Variants in PI4KA observed in about 807,000 individuals in gnomAD.
PI4KA encodes phosphatidylinositol 4-kinase alpha.
Under a neutral mutation model 271.4 loss-of-function variants are expected in PI4KA, and 122 were observed. The ratio of observed to expected loss-of-function variants is 0.45; its 90% confidence interval spans 0.39 to 0.52. The LOEUF is 0.52. Ranked by LOEUF, PI4KA falls within the 20% of genes least tolerant of loss-of-function variation. PI4KA has a pLI of 0.00. For missense variants in PI4KA, 1,969 were observed against 2,769.1 expected, an observed-to-expected ratio of 0.71 and a Z score of 6.48; for synonymous variants, 1,041 against 1,078.8, an observed-to-expected ratio of 0.96 and a Z score of 0.69.
At chr22:20,796,461 CA>C (rs1934993946) in intron 17 of PI4KA, 147 bp from the exon 18 acceptor site, 1 of 659,942 alleles carries the variant, frequency 1.5e-6, no homozygotes, top group African/African-American at 1.8e-5. Context: ...AAAGAACTCT[CA>C]AGTGGAGAAG....
chr22:20,829,473 TTTATTA>T (rs200710375), intron 3 of PI4KA, among the ~76,000 whole-genome samples: 1 of 152,114 alleles, frequency 6.6e-6, no homozygotes, highest in Non-Finnish European at 1.5e-5. Context: ...GTTGGGTTTT[TTTATTA>T]TTATTATTTC....
intron 1 of PI4KA, among the ~76,000 whole-genome samples, chr22:20,858,190 G>A (rs559600878): frequency 9.2e-5 from 14 of 152,294 alleles, no homozygotes; most frequent in African/African-American, 3.4e-4. Flanking sequence ...GAAATCGGAA[G>A]CAGAACCCCA....
intron 3 of PI4KA, 27 bp from the exon 4 acceptor site, chr22:20,824,441 A>G: frequency 6.5e-7 from 1 of 1,530,584 alleles, no homozygotes. Context: ...CATAAATCAG[A>G]TAACCAGGAA....
At chr22:20,792,792 G>T (rs1338467691) in intron 19 of PI4KA, among the ~76,000 whole-genome samples, 2 of 152,160 alleles carry the variant, frequency 1.3e-5, no homozygotes, top group African/African-American at 4.8e-5. Context: ...CCTGAGCGCC[G>T]ACAAGAGGCT....
intron 2 of PI4KA, among the ~76,000 whole-genome samples, chr22:20,836,517 A>G (rs1210586358): frequency 1.3e-5 from 2 of 152,186 alleles, no homozygotes; most frequent in African/African-American, 2.4e-5. Context: ...GCTCTTTCCT[A>G]TATAAACTGT....
At chr22:20,793,273 C>T (rs377261017) in intron 18 of PI4KA, 30 bp from the exon 19 acceptor site, 17 of 1,336,662 alleles carry the variant, frequency 1.3e-5, no homozygotes, top group African/African-American at 4.4e-5. Context: ...TTGTCATTAA[C>T]GAGTATGTGT....
intron 23 of PI4KA, among the ~76,000 whole-genome samples, chr22:20,758,013 C>T (rs1034359239): frequency 1.3e-5 from 2 of 152,088 alleles, no homozygotes; most frequent in African/African-American, 4.8e-5. Context: ...ATCTGCAGTC[C>T]ACACACAGCC....
intron 22 of PI4KA, 134 bp downstream of exon 22, chr22:20,764,683 T>C: frequency 1.1e-6 from 1 of 925,146 alleles, no homozygotes; most frequent in East Asian, 2.8e-5. Flanking sequence ...GTAGAGGGTG[T>C]TTTTGCTTGG....
intron 1 of PI4KA, among the ~76,000 whole-genome samples, chr22:20,856,754 T>G (rs1927648462): frequency 6.6e-6 from 1 of 152,202 alleles, no homozygotes; most frequent in African/African-American, 2.4e-5. Context: ...TCTTGACAAC[T>G]GAAGCAGTTA....
intron 7 of PI4KA, among the ~76,000 whole-genome samples, chr22:20,814,238 T>C (rs1921440988): frequency 6.6e-6 from 1 of 152,160 alleles, no homozygotes; most frequent in Admixed American, 6.6e-5. Flanking sequence ...GAAATACACC[T>C]GTCACTAAAA....
At chr22:20,851,879 C>A (rs187237105) in intron 1 of PI4KA, among the ~76,000 whole-genome samples, 2 of 152,214 alleles carry the variant, frequency 1.3e-5, no homozygotes, top group African/African-American at 4.8e-5. Context: ...TCCAGCATGC[C>A]AACATATACA....
At chr22:20,839,658 C>T (rs905193438) in intron 1 of PI4KA, among the ~76,000 whole-genome samples, 1 of 152,112 alleles carries the variant, frequency 6.6e-6, no homozygotes, top group African/African-American at 2.4e-5. Context: ...GGTGAAACCC[C>T]GTCTCTACTA....
intron 32 of PI4KA, among the ~76,000 whole-genome samples, chr22:20,739,484 A>C (rs948748929): frequency 1.3e-5 from 2 of 151,108 alleles, no homozygotes; most frequent in Non-Finnish European, 2.9e-5. Context: ...AAAAAAAAAC[A>C]AAAGAAAAAA....
At chr22:20,818,285 C>CTA (rs1040907292) in intron 7 of PI4KA, among the ~76,000 whole-genome samples, 198 bp downstream of exon 7, 1 of 152,054 alleles carries the variant, frequency 6.6e-6, no homozygotes, top group Non-Finnish European at 1.5e-5. Flanking sequence ...GTACTTTTCT[C>CTA]TATATATAAA....
At chr22:20,723,812 C>T (rs1268449445) in intron 42 of PI4KA, among the ~76,000 whole-genome samples, 1 of 151,766 alleles carries the variant, frequency 6.6e-6, no homozygotes, top group South Asian at 2.1e-4. Context: ...GCCTGGGCAA[C>T]AAAGACTCTA....
chr22:20,790,704 ACACAC>A (rs1934579278), intron 19 of PI4KA, among the ~76,000 whole-genome samples: 1 of 42,612 alleles, frequency 2.3e-5, no homozygotes, highest in African/African-American at 1.7e-4. Flanking sequence ...AAACAAACAC[ACACAC>A]ACACACACAC....
Position 20,764,811 on chromosome 22 carries a change from G to A in PI4KA, c.2708+6C>T, listed in dbSNP as rs149608043. 1.2e-4 allele frequency: 186 copies of A among 1,608,768 alleles called. No homozygotes were observed. The East Asian group carries it at 2.7e-3, about 24-fold the overall frequency. ...TGCATGTGCATGGTGGTGAAGGCAC[G>A]TGTACCTCATGTACTCCAGCCGGTA... is the stretch of plus-strand genomic sequence containing the variant. On this transcript the variant is annotated splice_donor_region_variant and intron_variant, in intron 22 of 54. Coordinates refer to ENST00000255882, the MANE Select transcript of PI4KA (RefSeq NM_058004.4).
Position 20,858,637 on chromosome 22 carries a change from A to G in PI4KA, c.89T>C (p.Phe30Ser). Residue 30 changes from phenylalanine to serine, a missense_variant, in exon 1 of 55, where the codon TTC (phenylalanine) becomes TCC (serine). By Grantham distance (155) the Phe-to-Ser change is radical (BLOSUM62 -2). Around this residue, in one of 13 missense-constraint regions of PI4KA, gnomAD observed 540 missense variants for 555.5 expected, o/e 0.97. Coordinates refer to ENST00000255882, the MANE Select transcript of PI4KA (RefSeq NM_058004.4). ...CAGTGACAGGACCGTGTTGAAATAG[A>G]AGCCCCGCGAGGCGCTGGAGCCGGA... ...SGSGSSASRG[F>S]YFNTVLSLAR... 6.7e-7 allele frequency: 1 copy of G among 1,485,694 alleles called. No individual in the cohort carries two copies. Among genetic ancestry groups the G allele is most frequent in the Non-Finnish European group, 8.9e-7 (1 of 1,124,328 alleles). The allele number at this position is 1,485,694 out of a possible 1,614,324, so 92.0% of individuals were successfully genotyped here.
intron 32 of PI4KA, among the ~76,000 whole-genome samples, chr22:20,741,337 G>C (rs903576461): frequency 7.9e-5 from 12 of 152,292 alleles, no homozygotes; most frequent in Admixed American, 5.2e-4. Flanking sequence ...GCCCCGCCCA[G>C]GAATCAGAGC....
Sources: allele counts gnomAD v4.1 joint callset (sites outside exome capture counted in the v4.1 genomes callset), GRCh38; gene constraint gnomAD v4.1.1; regional missense constraint gnomAD v4.1.1; transcripts MANE v1.5; gene names NCBI Gene and HGNC (gene_info 2026-07-23, HGNC 2026-07-21).